The following AMPH variants were observed in gnomAD, a reference collection of about 807,000 sequenced individuals.
AMPH encodes amphiphysin, also known as amphiphysin (Stiff-Mann syndrome with breast cancer 128kD autoantigen).
Under a neutral mutation model 99.1 loss-of-function variants are expected in AMPH, and 49 were observed. The ratio of observed to expected loss-of-function variants is 0.49; its 90% CI spans 0.39 to 0.63. The LOEUF is 0.63. Ranked by LOEUF, AMPH falls within the 20% of genes least tolerant of loss-of-function variation. The pLI is 0.00. For missense variants in AMPH, 759 were observed against 863.4 expected (o/e 0.88, Z 1.52); for synonymous variants, 314 against 317.3 (o/e 0.99, Z 0.11).
chr7:38,419,305 G>A (rs755698835), intron 16 of AMPH, among the ~76,000 whole-genome samples: 3 of 151,920 alleles, frequency 2.0e-5, no homozygotes, highest in Non-Finnish European at 2.9e-5. Context: ...GCCTAGTGTT[G>A]GACAAATACA....
chr7:38,462,125 G>C (rs1453748116), intron 10 of AMPH, among the ~76,000 whole-genome samples: 1 of 152,166 alleles, frequency 6.6e-6, no homozygotes, highest in African/African-American at 2.4e-5. Context: ...GTGTACTATA[G>C]TCAGTAAATT....
At chr7:38,456,679 T>A (rs931674888) in intron 11 of AMPH, among the ~76,000 whole-genome samples, 21 of 152,190 alleles carry the variant, frequency 1.4e-4, no homozygotes, top group African/African-American at 5.1e-4. Flanking sequence ...CCACCGCTAC[T>A]GACATCACCC....
At chr7:38,503,579 A>G (rs1157789671) in intron 3 of AMPH, 71 bp downstream of exon 3, 1 of 1,520,452 alleles carries the variant, frequency 6.6e-7, no homozygotes, top group Non-Finnish European at 9.1e-7. Flanking sequence ...TTAACACTCA[A>G]TCCTGTCACT....
intron 1 of AMPH, among the ~76,000 whole-genome samples, chr7:38,576,386 T>C (rs556905071): frequency 1.8e-4 from 27 of 152,346 alleles, no homozygotes; most frequent in African/African-American, 6.3e-4. Flanking sequence ...CCTTCATGTT[T>C]GATTTAATAT....
chr7:38,573,862 G>A (rs1792136022), intron 1 of AMPH, among the ~76,000 whole-genome samples: 1 of 152,188 alleles, frequency 6.6e-6, no homozygotes, highest in South Asian at 2.1e-4. Context: ...AGTAACTAAT[G>A]TAGTAACTCA....
chr7:38,468,407 A>C (rs934430039), intron 7 of AMPH, among the ~76,000 whole-genome samples: 1 of 152,188 alleles, frequency 6.6e-6, no homozygotes, highest in African/African-American at 2.4e-5. Flanking sequence ...CATTAGGCAA[A>C]AACAAAAAAG....
intron 12 of AMPH, among the ~76,000 whole-genome samples, chr7:38,435,101 G>C (rs547706722): frequency 1.4e-4 from 21 of 152,186 alleles, no homozygotes; most frequent in Non-Finnish European, 2.6e-4. Context: ...TCTTCTAGAA[G>C]AGAGTTAATA....
intron 1 of AMPH, among the ~76,000 whole-genome samples, chr7:38,579,990 A>G (rs1562841788): frequency 6.6e-6 from 1 of 152,210 alleles, no homozygotes; most frequent in Non-Finnish European, 1.5e-5. Context: ...ACATAAACAC[A>G]TTGATGAATC....
chr7:38,616,456 C>T (rs1049722060), intron 1 of AMPH, among the ~76,000 whole-genome samples: 1 of 152,132 alleles, frequency 6.6e-6, no homozygotes, highest in Admixed American at 6.5e-5. Flanking sequence ...TAAAGAGGGC[C>T]TACCCTAATG....
rs374911523 is a variant in AMPH at position 38,514,675 on chromosome 7, G to A, written c.151-10971C>T. On this transcript the variant is annotated intron_variant, in intron 2 of 20. Transcript: ENST00000356264. ...ATGAGTTTGGCCTGACTTCTTTTCC[G>A]TTTTGTGTACTTGCTTTCACCTTCT... Among the ~76,000 whole-genome samples, 11 of 152,138 alleles carry A rather than the reference G, an allele frequency of 7.2e-5. No individual in the cohort carries two copies. The East Asian group carries it at 9.6e-4, about 13-fold the overall frequency.
intron 19 of AMPH, among the ~76,000 whole-genome samples, chr7:38,391,458 C>G (rs1467395063): frequency 6.6e-6 from 1 of 152,192 alleles, no homozygotes; most frequent in Non-Finnish European, 1.5e-5. Context: ...CACAGATTCA[C>G]AGGCACCTGG....
intron 9 of AMPH, chr7:38,464,195 T>A: frequency 4.3e-6 from 5 of 1,174,770 alleles, no homozygotes; most frequent in Non-Finnish European, 5.6e-6. Flanking sequence ...CATTACAATT[T>A]TCAGATGAAT....
At chr7:38,426,222 T>C (rs989318503) in intron 15 of AMPH, among the ~76,000 whole-genome samples, 1 of 152,206 alleles carries the variant, frequency 6.6e-6, no homozygotes, top group African/African-American at 2.4e-5. Flanking sequence ...CAGACAAGCC[T>C]GTCTGAGGTC....
rs1491149547 is a variant in AMPH, at chr7:38,570,985, A to AT, written c.70-35975_70-35974insA. 6.8e-4 allele frequency among the ~76,000 whole-genome samples: 7 copies of AT among 10,252 alleles called. 1 individual carries two copies. The highest frequency in any genetic ancestry group is 1.5e-3 in the African/African-American group (4 of 2,616). 6.7% of individuals were successfully genotyped at this position (10,252 alleles called of 152,430 possible). On this transcript the variant is annotated intron_variant, in intron 1 of 20. Transcript: ENST00000356264. ...ATATATATAGAATATATATATATTC[A>AT]ATATATATATATTCATATATATAGA...
At chr7:38,467,091 TAA>T in intron 7 of AMPH, among the ~76,000 whole-genome samples, 1 of 152,162 alleles carries the variant, frequency 6.6e-6, no homozygotes, top group East Asian at 1.9e-4. Flanking sequence ...ATCTATTCAT[TAA>T]TAAAGAAAAT....
intron 17 of AMPH, among the ~76,000 whole-genome samples, chr7:38,397,368 T>C (rs1221604836): frequency 6.6e-6 from 1 of 152,232 alleles, no homozygotes; most frequent in African/African-American, 2.4e-5. Flanking sequence ...TATTAACCTG[T>C]AACTTGTCTC....
intron 17 of AMPH, among the ~76,000 whole-genome samples, chr7:38,414,097 C>T (rs937074318): frequency 6.6e-6 from 1 of 152,184 alleles, no homozygotes; most frequent in Non-Finnish European, 1.5e-5. Flanking sequence ...ATATATCTGT[C>T]AACTGAGTAA....
intron 1 of AMPH, among the ~76,000 whole-genome samples, chr7:38,610,321 GAAAAGAAAAGAAAAAA>G (rs1793611577): frequency 3.9e-5 from 1 of 25,704 alleles, no homozygotes. Context: ...GAAAAGAAAA[GAAAAGAAAAGAAAAAA>G]GAAAAGAAAA....
chr7:38,577,995 G>A (rs1218506911), intron 1 of AMPH, among the ~76,000 whole-genome samples: 1 of 152,158 alleles, frequency 6.6e-6, no homozygotes, highest in Non-Finnish European at 1.5e-5. Context: ...ACCTGTGCAG[G>A]CTCTGCTATA....
Sources: allele counts gnomAD v4.1 joint callset (sites outside exome capture counted in the v4.1 genomes callset), GRCh38; gene constraint gnomAD v4.1.1; transcripts MANE v1.5; gene names NCBI Gene and HGNC (gene_info 2026-07-23, HGNC 2026-07-21).